TRAF3IP2: variants seen among roughly 807,000 people sequenced by gnomAD.
The protein encoded by TRAF3IP2 is TRAF3 interacting protein 2.
Under a neutral mutation model 57.9 loss-of-function variants are expected in TRAF3IP2, and 35 were observed. That is an observed-to-expected ratio of 0.60 (90% CI 0.46 to 0.80). The LOEUF is 0.80. Ranked by LOEUF, TRAF3IP2 falls within the 30% of genes least tolerant of loss-of-function variation. The pLI, the probability that TRAF3IP2 is intolerant of heterozygous loss-of-function variation, is 0.00. For synonymous variants in TRAF3IP2, 251 were observed against 268.9 expected (o/e 0.93, Z 0.65); for missense variants, 556 against 706.4 (o/e 0.79, Z 2.41).
At chr6:111,604,739 T>C (rs972100938) in intron 1 of TRAF3IP2, among the ~76,000 whole-genome samples, 6 of 152,204 alleles carry the variant, frequency 3.9e-5, no homozygotes, top group African/African-American at 1.4e-4. Flanking sequence ...GGTAGCATGC[T>C]GGATTCTGGG....
chr6:111,587,465 G>A (rs1260156289), intron 2 of TRAF3IP2, among the ~76,000 whole-genome samples: 1 of 151,958 alleles, frequency 6.6e-6, no homozygotes, highest in African/African-American at 2.4e-5. Flanking sequence ...ATATTGGCCA[G>A]GCTGGTCTTG....
At chr6:111,575,422 A>G (rs1277817957) in intron 4 of TRAF3IP2, among the ~76,000 whole-genome samples, 1 of 151,282 alleles carries the variant, frequency 6.6e-6, no homozygotes, top group Non-Finnish European at 1.5e-5. Flanking sequence ...CCCCGTCTCT[A>G]CTAAAAATAC....
chr6:111,562,095 C>T (rs1031761985), intron 8 of TRAF3IP2, among the ~76,000 whole-genome samples: 3 of 152,210 alleles, frequency 2.0e-5, no homozygotes, highest in Non-Finnish European at 4.4e-5. Flanking sequence ...TGATTCTCAA[C>T]ATGTTTACTC....
chr6:111,600,988 T>A (rs1179666258), intron 1 of TRAF3IP2: 4 of 466,006 alleles, frequency 8.6e-6, no homozygotes, highest in African/African-American at 1.9e-5. Flanking sequence ...ATAGAGAAGG[T>A]AAGTAACTTT....
At chr6:111,569,950 T>C (rs970015203) in intron 5 of TRAF3IP2, among the ~76,000 whole-genome samples, 3 of 152,164 alleles carry the variant, frequency 2.0e-5, no homozygotes, top group African/African-American at 4.8e-5. Context: ...ATGGGCTGAA[T>C]TGTGTTCCCA....
chr6:111,579,690 C>T (rs1299775934), intron 3 of TRAF3IP2, among the ~76,000 whole-genome samples: 1 of 152,138 alleles, frequency 6.6e-6, no homozygotes, highest in Non-Finnish European at 1.5e-5. Context: ...CAAGTTTGCA[C>T]CACTGCACTC....
intron 4 of TRAF3IP2, 134 bp from the exon 5 acceptor site, chr6:111,573,117 G>T: frequency 1.4e-6 from 1 of 692,210 alleles, no homozygotes; most frequent in Non-Finnish European, 2.4e-6. Flanking sequence ...TGCTCTAAGA[G>T]CTTATGCCTA....
intron 2 of TRAF3IP2, among the ~76,000 whole-genome samples, chr6:111,582,238 C>T (rs1796190774): frequency 6.6e-6 from 1 of 152,132 alleles, no homozygotes; most frequent in Non-Finnish European, 1.5e-5. Flanking sequence ...CTCCTTTGAC[C>T]CATGTCACCA....
chr6:111,597,796 T>G (rs174394), intron 1 of TRAF3IP2: 50,589 of 455,334 alleles, frequency 0.11, 3,606 homozygotes, highest in Middle Eastern at 0.18. Flanking sequence ...TCTTGCTTGT[T>G]CTGACCCGAC....
chr6:111,580,419 G>A (rs1401471665), intron 2 of TRAF3IP2, 30 bp from the exon 3 acceptor site: 44 of 1,516,676 alleles, frequency 2.9e-5, no homozygotes, highest in African/African-American at 7.0e-5. Context: ...AGACAACAGG[G>A]AACATCAACT....
At chr6:111,580,086 C>G in intron 3 of TRAF3IP2, 111 bp downstream of exon 3, 2 of 1,266,514 alleles carry the variant, frequency 1.6e-6, no homozygotes, top group Non-Finnish European at 2.2e-6. Context: ...ATGTGACTTG[C>G]TCACTAACGT....
rs946939576 is a variant in TRAF3IP2, at chr6:111,581,232, A to C, written c.830-843T>G. On this transcript the variant is annotated intron_variant, in intron 2 of 8. Coordinates refer to ENST00000368761, the MANE Select transcript of TRAF3IP2 (RefSeq NM_147686.4). ...AGAGGAGAGATGCAGGGAACCAAGTAAGGGTGAGAGGGAAGGGCTCTGAGG... is the reference window on the plus strand; with the variant it reads ...AGAGGAGAGATGCAGGGAACCAAGTCAGGGTGAGAGGGAAGGGCTCTGAGG... Among the ~76,000 whole-genome samples, 3 of 152,224 alleles carry C rather than the reference A, an allele frequency of 2.0e-5. No individual in the cohort carries two copies. In the South Asian group the frequency reaches 6.2e-4, roughly 32 times the overall value.
chr6:111,591,361 C>T lies in TRAF3IP2; in HGVS notation c.726G>A (p.Gln242=). 2.6e-6 allele frequency: 4 copies of T among 1,541,496 alleles called. No homozygotes were observed. Among genetic ancestry groups the T allele is most frequent in the Non-Finnish European group, 3.5e-6 (4 of 1,147,604 alleles). The change falls in exon 2 of 9, where the codon CAG becomes CAA. Residue 242 remains glutamine (Q), a synonymous_variant. Transcript: ENST00000368761. The surrounding 1 kb of genome is among the most constrained non-coding windows in gnomAD (Gnocchi z 4.9). ...RSREFPQFEP[Q]RYPACAQMLP... ...GCATCTGTGCACATGCTGGATACCT[C>T]TGAGGTTCAAACTGAGGGAACTCCC...
At chr6:111,580,992 C>T (rs542484392) in intron 2 of TRAF3IP2, among the ~76,000 whole-genome samples, 6 of 152,346 alleles carry the variant, frequency 3.9e-5, no homozygotes, top group Middle Eastern at 3.4e-3. Context: ...CTACAGCCTA[C>T]GTGCACTTGG....
At chr6:111,568,367 G>A (rs968328236) in intron 5 of TRAF3IP2, among the ~76,000 whole-genome samples, 4 of 151,778 alleles carry the variant, frequency 2.6e-5, no homozygotes, top group Non-Finnish European at 5.9e-5. Context: ...AGAAAGATCA[G>A]TTATTTTTTA....
chr6:111,596,544 C>T (rs1240151467), intron 1 of TRAF3IP2, among the ~76,000 whole-genome samples: 2 of 152,246 alleles, frequency 1.3e-5, no homozygotes, highest in Non-Finnish European at 2.9e-5. Flanking sequence ...ACCTCTGCCT[C>T]CCGGGTTCAA....
intron 5 of TRAF3IP2, among the ~76,000 whole-genome samples, chr6:111,570,917 T>G (rs1795809456): frequency 6.6e-6 from 1 of 151,902 alleles, no homozygotes. Flanking sequence ...TTTCTTTTTT[T>G]TGGAGACAGA....
At chr6:111,567,769 C>T (rs1297054691) in intron 5 of TRAF3IP2, 77 bp from the exon 6 acceptor site, 4 of 1,156,306 alleles carry the variant, frequency 3.5e-6, no homozygotes, top group East Asian at 5.3e-5. Context: ...AAACACAATA[C>T]TATATACATT....
intron 7 of TRAF3IP2, among the ~76,000 whole-genome samples, chr6:111,566,161 A>G (rs553536701): frequency 1.3e-5 from 2 of 152,318 alleles, no homozygotes; most frequent in African/African-American, 4.8e-5. Flanking sequence ...CAGCCAAGCC[A>G]GCAGAGCACG....
Sources: gnomAD v4.1 joint callset for allele counts (sites outside exome capture counted in the v4.1 genomes callset) on GRCh38, gnomAD v4.1.1 for gene constraint, Gnocchi (gnomAD v3.1) non-coding constraint, MANE v1.5 for transcripts, NCBI Gene and HGNC (gene_info 2026-07-23, HGNC 2026-07-21) for gene names.